The following SRI variants were observed in gnomAD, a reference collection of about 807,000 sequenced individuals.
SRI encodes the protein 22 kDa protein.
A neutral mutation model predicts 33.3 loss-of-function variants in SRI; 30 were observed. That is an observed-to-expected ratio of 0.90 (90% CI 0.67 to 1.22). The LOEUF is 1.22. SRI is among the 50% of genes most tolerant of loss of function. The pLI, the probability that SRI is intolerant of heterozygous loss-of-function variation, is 0.00. For missense variants in SRI, 243 were observed against 250.8 expected, an observed-to-expected ratio of 0.97 and a Z score of 0.21; for synonymous variants, 75 against 89.9, an observed-to-expected ratio of 0.83 and a Z score of 0.94.
intron 7 of SRI, 73 bp from the exon 8 acceptor site, chr7:88,206,577 C>A: frequency 6.3e-7 from 1 of 1,579,060 alleles, no homozygotes; most frequent in Non-Finnish European, 8.7e-7. Flanking sequence ...TGGCAGCTTA[C>A]ATTTGGTTTT....
At chr7:88,207,124 T>G (rs775468734) in intron 7 of SRI, among the ~76,000 whole-genome samples, 1 of 152,212 alleles carries the variant, frequency 6.6e-6, no homozygotes, top group Non-Finnish European at 1.5e-5. Context: ...ACTAAGGTAT[T>G]GTGCACTGCT....
intron 1 of SRI, among the ~76,000 whole-genome samples, chr7:88,226,582 G>A (rs1852002113): frequency 6.6e-6 from 1 of 152,170 alleles, no homozygotes; most frequent in African/African-American, 2.4e-5. Context: ...AGTCCTAGGT[G>A]CCTAGGTACA....
rs188236755 is a variant in SRI, at chr7:88,217,765, T to C, written c.136-574A>G. ...TATAAATGAGGAGCAAGATCAGCAA[T>C]TTGAAAGACAATGGGTATGCTGAAT... On this transcript the variant is annotated intron_variant, in intron 2 of 7. Coordinates refer to ENST00000265729, the MANE Select transcript of SRI (RefSeq NM_003130.4). Among the ~76,000 whole-genome samples the C allele has an allele frequency of 1.4e-4, 22 of 152,302 alleles. No homozygotes were observed. The East Asian group carries it at 4.2e-3, about 29-fold the overall frequency.
chr7:88,211,867 T>C (rs547673157), intron 3 of SRI, among the ~76,000 whole-genome samples: 21 of 152,222 alleles, frequency 1.4e-4, no homozygotes, highest in Non-Finnish European at 2.9e-4. Flanking sequence ...ATGAGGGCAT[T>C]TTGGTACCTC....
upstream of SRI, chr7:88,220,058 T>G (rs770480261): frequency 7.9e-6 from 12 of 1,514,110 alleles, no homozygotes; most frequent in Admixed American, 2.0e-4. Context: ...GCCCTCGCCC[T>G]GTGCGCCAGG....
At position 88,220,022 on chromosome 7, in the gene SRI, G is replaced by A. The variant is rs768680640; in HGVS notation, c.5C>T (p.Ala2Val). 5.2e-6 allele frequency: 8 copies of A among 1,531,872 alleles called. No individual in the cohort carries two copies. Among genetic ancestry groups the A allele is most frequent in the Non-Finnish European group, 6.1e-6 (7 of 1,144,972 alleles). 94.9% of individuals were successfully genotyped at this position (1,531,872 alleles called of 1,614,324 possible). The change falls in exon 1 of 8, where the codon GCG becomes GTG. Residue 2 changes from alanine to valine, a missense_variant. Ala to Val is a moderately conservative substitution (Grantham distance 64, BLOSUM62 0). Transcript: ENST00000265729. ...GCCGGCGCCAGGATGCCCCGGGTAC[G>A]CCATGCTGCAGACTGCGCCGCAGCC... Reference protein sequence around the residue: MAYPGHPGAGGG... With the variant: MVYPGHPGAGGG...
intron 2 of SRI, 89 bp downstream of exon 2, chr7:88,218,770 C>G (rs1851798704): frequency 7.8e-7 from 1 of 1,280,884 alleles, no homozygotes; most frequent in Admixed American, 1.7e-5. Context: ...CTCAGTACCA[C>G]AGGAAGTTCG....
intron 4 of SRI, 105 bp from the exon 5 acceptor site, chr7:88,210,235 A>G: frequency 1.6e-6 from 2 of 1,267,286 alleles, no homozygotes; most frequent in Non-Finnish European, 2.3e-6. Context: ...TAAAAAAGTT[A>G]TTGTAGATTA....
At chr7:88,207,444 C>A (rs913548544) in intron 7 of SRI, among the ~76,000 whole-genome samples, 2 of 152,140 alleles carry the variant, frequency 1.3e-5, no homozygotes. Flanking sequence ...ATACATGCAT[C>A]TTATATTTTG....
intron 3 of SRI, chr7:88,214,937 C>T: frequency 1.4e-6 from 1 of 707,928 alleles, no homozygotes; most frequent in Non-Finnish European, 2.2e-6. Context: ...AGACGAACAA[C>T]TAAATTCAGG....
chr7:88,210,100 C>G lies in SRI; in HGVS notation c.280G>C (p.Glu94Gln). The change falls in exon 5 of 8, where the codon GAA (glutamate) becomes CAA (glutamine). Residue 94 changes from glutamate (E) to glutamine (Q), a missense_variant. Physicochemically the swap from Glu to Gln is conservative, Grantham distance 29. Coordinates refer to ENST00000265729, the MANE Select transcript of SRI (RefSeq NM_003130.4). The stretch of plus-strand genomic sequence containing the variant: ...AGTACAGCCCAGAGTTCTTTAAATT[C>G]ATTGAAACCCATTGTGCCAGACATA... The part of the protein sequence containing the change: ...RDMSGTMGFN[E>Q]FKELWAVLNG... 1 of 1,614,056 alleles carries G rather than the reference C, an allele frequency of 6.2e-7. No homozygotes were observed. Among genetic ancestry groups the G allele is most frequent in the Non-Finnish European group, 8.5e-7 (1 of 1,179,984 alleles).
upstream of SRI, chr7:88,220,143 C>T: frequency 1.5e-6 from 2 of 1,342,976 alleles, no homozygotes; most frequent in East Asian, 3.1e-5. Context: ...GCGTGGGGGA[C>T]GCGCTCCGCA....
chr7:88,209,929 A>G, intron 5 of SRI, 54 bp downstream of exon 5: 1 of 1,612,178 alleles, frequency 6.2e-7, no homozygotes, highest in Non-Finnish European at 8.5e-7. Context: ...TTTTAAAAAT[A>G]AAAATCAACT....
intron 2 of SRI, among the ~76,000 whole-genome samples, chr7:88,217,876 T>C (rs191534560): frequency 7.2e-5 from 11 of 152,338 alleles, no homozygotes; most frequent in Admixed American, 5.2e-4. Flanking sequence ...GTCTTGAGGT[T>C]TGCCATGCCT....
At chr7:88,209,554 TATTA>T (rs1851519148) in intron 5 of SRI, 102 bp from the exon 6 acceptor site, 2 of 827,256 alleles carry the variant, frequency 2.4e-6, no homozygotes. Context: ...TGCAGACTCA[TATTA>T]ATTATGAACA....
chr7:88,209,526 T>A, intron 5 of SRI, 74 bp from the exon 6 acceptor site: 1 of 1,194,992 alleles, frequency 8.4e-7, no homozygotes, highest in Non-Finnish European at 1.2e-6. Context: ...AATCAAGCAC[T>A]ATTTTATTTT....
intron 2 of SRI, chr7:88,218,649 C>T (rs769678991): frequency 1.9e-6 from 1 of 513,464 alleles, no homozygotes; most frequent in Non-Finnish European, 3.5e-6. Flanking sequence ...TGCTTTCGAA[C>T]TGAACTCACA....
upstream of SRI, among the ~76,000 whole-genome samples, chr7:88,224,473 T>C (rs1239879950): frequency 6.6e-6 from 1 of 152,212 alleles, no homozygotes; most frequent in Admixed American, 6.5e-5. Flanking sequence ...TTTGTTTAGT[T>C]CTGATCTGGG....
At position 88,218,945 on chromosome 7, in the gene SRI, G is replaced by A. The variant is rs780144309; in HGVS notation, c.52-3C>T. ...GGCCCTCCGGGAGCCCCTCCATACTGTGAAACAGGAAACACATACACGTCA... is the reference window on the plus strand; with the variant it reads ...GGCCCTCCGGGAGCCCCTCCATACTATGAAACAGGAAACACATACACGTCA... On this transcript the variant is annotated splice_region_variant and splice_polypyrimidine_tract_variant and intron_variant, in intron 1 of 7. Coordinates refer to ENST00000265729, the MANE Select transcript of SRI (RefSeq NM_003130.4). The A allele has an allele frequency of 6.2e-6, 10 of 1,613,298 alleles. No homozygotes were observed. The East Asian group carries it at 1.3e-4, about 22-fold the overall frequency.
Sources: allele counts gnomAD v4.1 joint callset (sites outside exome capture counted in the v4.1 genomes callset), GRCh38; gene constraint gnomAD v4.1.1; transcripts MANE v1.5; gene names NCBI Gene and HGNC (gene_info 2026-07-23, HGNC 2026-07-21).